RANBP2: variants seen among roughly 807,000 people sequenced by gnomAD.
The protein encoded by RANBP2 is E3 SUMO-protein ligase RanBP2.
Under a neutral mutation model 303.6 loss-of-function variants are expected in RANBP2, and 57 were observed. The observed-to-expected ratio is 0.19, with a 90% CI of 0.15 to 0.23. The LOEUF (loss-of-function observed/expected upper bound fraction) is 0.23. Among genes scored for constraint, RANBP2 ranks in the 10% least tolerant of loss-of-function variants. The pLI, the probability that RANBP2 is intolerant of heterozygous loss-of-function variation, is 1.00. For synonymous variants in RANBP2, 1,167 were observed against 1,301.5 expected (o/e 0.90, Z 2.23); for missense variants, 3,138 against 3,780.8 (o/e 0.83, Z 4.46).
At chr2:109,575,430 A>G in the RANBP2 span, among the ~76,000 whole-genome samples, 1 of 152,222 alleles carries the variant, frequency 6.6e-6, no homozygotes, top group Non-Finnish European at 1.5e-5. Context: ...TTTTATTTTT[A>G]TTTAATTATA....
chr2:109,684,043 G>C, the RANBP2 span, among the ~76,000 whole-genome samples: 1 of 151,638 alleles, frequency 6.6e-6, no homozygotes, highest in African/African-American at 2.4e-5. Flanking sequence ...CCAGGCTCAA[G>C]CGATTCTCCT....
chr2:109,452,079 G>T, the RANBP2 span, among the ~76,000 whole-genome samples: 1 of 152,192 alleles, frequency 6.6e-6, no homozygotes, highest in African/African-American at 2.4e-5. Flanking sequence ...TGAACATTTT[G>T]CCCATCTGTG....
chr2:108,805,620 G>A, the RANBP2 span, among the ~76,000 whole-genome samples: 4 of 151,950 alleles, frequency 2.6e-5, no homozygotes, highest in Non-Finnish European at 5.9e-5. Flanking sequence ...CCAGCTACTC[G>A]GGAGGCTGAG....
chr2:109,600,712 T>A, the RANBP2 span, among the ~76,000 whole-genome samples: 1 of 151,860 alleles, frequency 6.6e-6, no homozygotes, highest in Non-Finnish European at 1.5e-5. Context: ...GGCAATAGAG[T>A]GAGATCCCAC....
the RANBP2 span, among the ~76,000 whole-genome samples, chr2:109,622,748 G>A: frequency 2.0e-5 from 3 of 152,124 alleles, no homozygotes; most frequent in African/African-American, 4.8e-5. Flanking sequence ...GAGATTAAAC[G>A]CCAGCGTAGA....
the RANBP2 span, among the ~76,000 whole-genome samples, chr2:109,170,213 CTCTT>C: frequency 5.8e-4 from 88 of 151,618 alleles, no homozygotes; most frequent in African/African-American, 1.8e-3. Flanking sequence ...TTCTTTCTCT[CTCTT>C]TTTTCTCTTC....
chr2:109,126,251 G>A, the RANBP2 span, among the ~76,000 whole-genome samples: 1 of 152,182 alleles, frequency 6.6e-6, no homozygotes, highest in South Asian at 2.1e-4. Context: ...TTATGGCAGG[G>A]GCAAAAGGGG....
the RANBP2 span, chr2:109,436,804 G>T: frequency 6.7e-7 from 1 of 1,499,862 alleles, no homozygotes; most frequent in Non-Finnish European, 8.9e-7. Context: ...CTTAAAGCCA[G>T]CAGGTCAGAG....
chr2:109,092,523 C>CT, the RANBP2 span, among the ~76,000 whole-genome samples: 5 of 152,156 alleles, frequency 3.3e-5, no homozygotes, highest in African/African-American at 1.2e-4. Flanking sequence ...AATTGAGAAT[C>CT]TTTTACCTAC....
the RANBP2 span, among the ~76,000 whole-genome samples, chr2:109,119,299 A>G: frequency 5.3e-5 from 8 of 152,216 alleles, no homozygotes; most frequent in Non-Finnish European, 1.5e-5. Context: ...GACCACCATC[A>G]TCCTGTCCGT....
the RANBP2 span, among the ~76,000 whole-genome samples, chr2:108,831,561 A>C: frequency 8.6e-4 from 131 of 152,338 alleles, 1 homozygote; most frequent in African/African-American, 2.9e-3. Flanking sequence ...GCTGTGAAGA[A>C]ACTGAAAGTC....
the RANBP2 span, among the ~76,000 whole-genome samples, chr2:109,014,887 C>T: frequency 6.6e-6 from 1 of 152,064 alleles, no homozygotes; most frequent in African/African-American, 2.4e-5. Flanking sequence ...TTTGGGAGGC[C>T]CAGGTGGGCG....
At chr2:109,052,973 C>T in the RANBP2 span, among the ~76,000 whole-genome samples, 1 of 152,234 alleles carries the variant, frequency 6.6e-6, no homozygotes, top group African/African-American at 2.4e-5. Flanking sequence ...GAGCTCGCCT[C>T]AGATGGGCAT....
chr2:109,511,813 A>C, the RANBP2 span, among the ~76,000 whole-genome samples: 1 of 152,008 alleles, frequency 6.6e-6, no homozygotes, highest in East Asian at 1.9e-4. Context: ...CAAATAAGGA[A>C]TGGGGGGTGG....
At chr2:108,762,796 TACCATC>T (rs1558916988) in intron 19 of RANBP2, among the ~76,000 whole-genome samples, 1 of 135,552 alleles carries the variant, frequency 7.4e-6, no homozygotes, top group Non-Finnish European at 1.6e-5. Context: ...CAATAAATGT[TACCATC>T]ATCATCATCA....
the RANBP2 span, among the ~76,000 whole-genome samples, chr2:109,166,025 C>G: frequency 6.6e-6 from 1 of 152,166 alleles, no homozygotes; most frequent in Non-Finnish European, 1.5e-5. Context: ...GTTTGCTGCT[C>G]ATTCTGTAGA....
At chr2:108,909,931 T>C in the RANBP2 span, among the ~76,000 whole-genome samples, 1 of 152,154 alleles carries the variant, frequency 6.6e-6, no homozygotes, top group African/African-American at 2.4e-5. Context: ...CATACCTCAG[T>C]GTGGTATCCT....
chr2:108,753,883 A>G lies in RANBP2; in HGVS notation c.2114A>G (p.Glu705Gly). The G allele has an allele frequency of 6.2e-7, 1 of 1,612,038 alleles. No individual in the cohort carries two copies. The highest frequency in any genetic ancestry group is 8.5e-7 in the Non-Finnish European group (1 of 1,179,862). The change falls in exon 15 of 29, where the codon GAA becomes GGA. Residue 705 changes from glutamate to glycine, a missense_variant. Around this residue, in one of 20 missense-constraint regions of RANBP2, gnomAD observed 194 missense variants for 197.4 expected, o/e 0.98. Transcript: ENST00000283195. ...GATGCCCTTTCTCCTGAAGAACAAG[A>G]AGAATGCAAAAATTATCTGAGAAAG... Reference protein sequence around the residue: ...ENDALSPEEQEECKNYLRKTR... With the variant: ...ENDALSPEEQGECKNYLRKTR...
the RANBP2 span, among the ~76,000 whole-genome samples, chr2:109,307,091 A>G: frequency 2.0e-5 from 3 of 152,226 alleles, no homozygotes; most frequent in Non-Finnish European, 4.4e-5. Flanking sequence ...ATCAACAGAC[A>G]TTCTTTATTT....
Sources: gnomAD v4.1 joint callset for allele counts (sites outside exome capture counted in the v4.1 genomes callset) on GRCh38, gnomAD v4.1.1 for gene constraint, gnomAD v4.1.1 regional missense constraint, MANE v1.5 for transcripts, NCBI Gene and HGNC (gene_info 2026-07-23, HGNC 2026-07-21) for gene names.